The following CDK14 variants were observed in gnomAD, a reference collection of about 807,000 sequenced individuals.
The protein encoded by CDK14 is cyclin dependent kinase 14, also known as cyclin-dependent kinase 14.
CDK14 carries 34 observed loss-of-function variants against 60.7 expected under a neutral mutation model. The ratio of observed to expected loss-of-function variants is 0.56; its 90% confidence interval spans 0.43 to 0.75. The LOEUF is 0.75. CDK14 is among the 30% of genes least tolerant of loss of function. The probability of loss-of-function intolerance (pLI) is 0.00; values close to 1 mark genes in which losing one functional copy is unlikely to be tolerated. For missense variants in CDK14, 482 were observed against 564.1 expected, an observed-to-expected ratio of 0.85 and a Z score of 1.47; for synonymous variants, 197 against 203.7, an observed-to-expected ratio of 0.97 and a Z score of 0.28.
chr7:91,122,674 C>T (rs1455543360), intron 14 of CDK14, among the ~76,000 whole-genome samples: 2 of 152,196 alleles, frequency 1.3e-5, no homozygotes, highest in South Asian at 2.1e-4. Context: ...CTTCTGCTGA[C>T]TTGTTTCTGC....
At chr7:90,599,781 A>G (rs1799275199) in intron 1 of CDK14, among the ~76,000 whole-genome samples, 1 of 152,360 alleles carries the variant, frequency 6.6e-6, no homozygotes, top group East Asian at 1.9e-4. Flanking sequence ...AGTATTATCC[A>G]AAAGTGTAGC....
intron 14 of CDK14, among the ~76,000 whole-genome samples, chr7:91,168,458 A>T (rs886228566): frequency 6.6e-6 from 1 of 152,226 alleles, no homozygotes; most frequent in Non-Finnish European, 1.5e-5. Flanking sequence ...GAGAAATTAA[A>T]ATATAACACA....
At position 90,744,749 on chromosome 7, in the gene CDK14, G is replaced by A. The variant is rs1480988405; in HGVS notation, c.370-2932G>A. ...GCGCCCCTCACCTCCCGGACGGGGCGGCTGGCCGGGCAGGGGGCTGACCCC... is the reference window on the plus strand; with the variant it reads ...GCGCCCCTCACCTCCCGGACGGGGCAGCTGGCCGGGCAGGGGGCTGACCCC... On this transcript the variant is annotated intron_variant, in intron 3 of 14. Transcript: ENST00000380050. Among the ~76,000 whole-genome samples the A allele has an allele frequency of 5.1e-5, 7 of 137,016 alleles. 1 individual carries two copies. The Middle Eastern group carries it at 0.011, about 210-fold the overall frequency. 89.9% of individuals were successfully genotyped at this position (137,016 alleles called of 152,430 possible). A position where few individuals can be genotyped will look rare whatever the true frequency, so the allele number is the denominator to read the frequency against.
In CDK14 at chr7:91,060,467, C is replaced by T. The variant is rs530238142; in HGVS notation, c.1105+14507C>T. 5.1e-4 allele frequency among the ~76,000 whole-genome samples: 77 copies of T among 152,170 alleles called. 2 individuals are homozygous for T. The East Asian group carries it at 0.012, about 24-fold the overall frequency. ...TATGATGTTAGCTGGTGATTTTGCG[C>T]GTTAGTTGATGCAGTTTCTTCCTAG... On this transcript the variant is annotated intron_variant, in intron 11 of 14. Transcript: ENST00000380050.
chr7:90,954,772 C>T (rs1462386179), intron 8 of CDK14, among the ~76,000 whole-genome samples: 9 of 24,744 alleles, frequency 3.6e-4, no homozygotes, highest in African/African-American at 4.8e-4. Context: ...CTACAGGCGC[C>T]CGCCACTACG....
chr7:91,128,574 A>G (rs1800019719), intron 14 of CDK14, among the ~76,000 whole-genome samples: 1 of 152,148 alleles, frequency 6.6e-6, no homozygotes, highest in Admixed American at 6.6e-5. Context: ...TAATAAATAA[A>G]CAAACCACTT....
At chr7:91,115,770 C>A (rs1440614491) in intron 13 of CDK14, among the ~76,000 whole-genome samples, 1 of 152,122 alleles carries the variant, frequency 6.6e-6, no homozygotes, top group African/African-American at 2.4e-5. Context: ...GCAGTCATTT[C>A]ATAGATTCGT....
At chr7:90,963,975 A>C (rs1373611989) in intron 9 of CDK14, among the ~76,000 whole-genome samples, 1 of 152,066 alleles carries the variant, frequency 6.6e-6, no homozygotes, top group Non-Finnish European at 1.5e-5. Context: ...CGGTCTCCCA[A>C]AGTGCTGGGA....
At chr7:91,132,617 G>A (rs1222069290) in intron 14 of CDK14, among the ~76,000 whole-genome samples, 1 of 152,014 alleles carries the variant, frequency 6.6e-6, no homozygotes. Flanking sequence ...AACTTATTAT[G>A]TTAGATCATG....
At chr7:90,972,371 T>C (rs1354271412) in intron 9 of CDK14, among the ~76,000 whole-genome samples, 2 of 152,206 alleles carry the variant, frequency 1.3e-5, no homozygotes, top group Non-Finnish European at 2.9e-5. Flanking sequence ...ATACTGCAAA[T>C]GCCAAAATGA....
At chr7:90,935,381 C>A (rs1793716926) in intron 8 of CDK14, among the ~76,000 whole-genome samples, 1 of 152,112 alleles carries the variant, frequency 6.6e-6, no homozygotes, top group Non-Finnish European at 1.5e-5. Context: ...AAAGGAATGG[C>A]AAATTTTAAT....
chr7:90,796,768 G>C (rs1788451081), intron 5 of CDK14, among the ~76,000 whole-genome samples: 1 of 150,402 alleles, frequency 6.6e-6, no homozygotes, highest in Non-Finnish European at 1.5e-5. Flanking sequence ...TGAGACATCT[G>C]TATGAAAATG....
At chr7:90,649,521 T>TA (rs1022406690) in intron 2 of CDK14, among the ~76,000 whole-genome samples, 2 of 150,418 alleles carry the variant, frequency 1.3e-5, no homozygotes, top group African/African-American at 4.9e-5. Context: ...GCAGGTTTGT[T>TA]ACATAGATGT....
At chr7:90,682,543 G>A (rs928734577) in intron 2 of CDK14, among the ~76,000 whole-genome samples, 1 of 152,170 alleles carries the variant, frequency 6.6e-6, no homozygotes, top group Non-Finnish European at 1.5e-5. Flanking sequence ...ACATTATGCA[G>A]TGCAGTTATC....
At chr7:90,710,533 C>G (rs1584809855) in intron 2 of CDK14, 1 of 985,266 alleles carries the variant, frequency 1.0e-6, no homozygotes, top group Non-Finnish European at 1.2e-6. Context: ...AGAAATACAC[C>G]TGCTTTAAGT....
intron 10 of CDK14, among the ~76,000 whole-genome samples, chr7:91,023,451 G>A (rs1796486585): frequency 6.6e-6 from 1 of 151,882 alleles, no homozygotes; most frequent in Non-Finnish European, 1.5e-5. Flanking sequence ...ACTCTTAATG[G>A]GATTATAAGT....
intron 14 of CDK14, among the ~76,000 whole-genome samples, chr7:91,201,166 A>G (rs1359321221): frequency 6.6e-6 from 1 of 152,248 alleles, no homozygotes; most frequent in Non-Finnish European, 1.5e-5. Context: ...TAATACATAA[A>G]GCTAAATTTG....
intron 14 of CDK14, among the ~76,000 whole-genome samples, chr7:91,143,465 C>T (rs1584121635): frequency 6.6e-6 from 1 of 152,040 alleles, no homozygotes; most frequent in Admixed American, 6.6e-5. Context: ...TGCCTGTAAT[C>T]AATCCCAGCT....
intron 10 of CDK14, among the ~76,000 whole-genome samples, chr7:91,012,097 C>T (rs1796176944): frequency 1.3e-5 from 2 of 152,136 alleles, no homozygotes; most frequent in Admixed American, 6.6e-5. Flanking sequence ...TTACTTGAAA[C>T]TGTTTCAGCC....
Sources: allele counts gnomAD v4.1 joint callset (sites outside exome capture counted in the v4.1 genomes callset), GRCh38; gene constraint gnomAD v4.1.1; transcripts MANE v1.5; gene names NCBI Gene and HGNC (gene_info 2026-07-23, HGNC 2026-07-21).